POU5F2: variants seen among roughly 807,000 people sequenced by gnomAD.
POU5F2 encodes the protein POU domain, class 5, transcription factor 2.
For missense variants in POU5F2, 401 were observed against 426.6 expected, an observed-to-expected ratio of 0.94 and a Z score of 0.53; for synonymous variants, 191 against 178.7, an observed-to-expected ratio of 1.07 and a Z score of -0.55.
rs2149573941 is a variant in POU5F2 at position 93,734,289 on chromosome 5, C to T, written c.*6288G>A. 1 of 152,252 alleles carries T rather than the reference C, an allele frequency of 6.6e-6. No homozygotes were observed. The highest frequency in any genetic ancestry group is 2.4e-5 in the African/African-American group (1 of 41,554). 9.4% of individuals were successfully genotyped at this position (152,252 alleles called of 1,614,324 possible). ...AATGCAACTCAGGGCCTTCATATGA[C>T]ACTGAGCTGGTGATATCTAGAAAAT... is the stretch of plus-strand genomic sequence containing the variant. On this transcript the variant is annotated 3_prime_UTR_variant, in exon 1 of 1. Transcript: ENST00000606183.
Position 93,737,813 on chromosome 5 carries a change from T to C in POU5F2, c.*2764A>G, listed in dbSNP as rs1747529133. On this transcript the variant is annotated 3_prime_UTR_variant, in exon 1 of 1. Coordinates refer to ENST00000606183, the MANE Select transcript of POU5F2 (RefSeq NM_153216.2). ...AAAAGAATGAAGTTGGGCACTTACCTCATACCGTATACAAAAATTAACTTG... is the reference window on the plus strand; with the variant it reads ...AAAAGAATGAAGTTGGGCACTTACCCCATACCGTATACAAAAATTAACTTG... 1.0e-5 allele frequency: 4 copies of C among 397,126 alleles called. No individual in the cohort carries two copies. In the Admixed American group the frequency reaches 1.3e-4, roughly 13 times the overall value. The allele number at this position is 397,126 out of a possible 1,614,324, so 24.6% of individuals were successfully genotyped here. A position where few individuals can be genotyped will look rare whatever the true frequency, so the allele number is the denominator to read the frequency against.
Position 93,740,568 on chromosome 5 carries a change from C to T in POU5F2, c.*9G>A, listed in dbSNP as rs1161291170. 1 of 1,583,346 alleles carries T rather than the reference C, an allele frequency of 6.3e-7. No individual in the cohort carries two copies. The highest frequency in any genetic ancestry group is 1.1e-5 in the South Asian group (1 of 88,398). On this transcript the variant is annotated 3_prime_UTR_variant, in exon 1 of 1. Coordinates refer to ENST00000606183, the MANE Select transcript of POU5F2 (RefSeq NM_153216.2). ...TCCAACCGTGCCGTGAAGGGCAAGCCCCTCAGCCCTAAAATCTGAGGAGGC... is the reference window on the plus strand; with the variant it reads ...TCCAACCGTGCCGTGAAGGGCAAGCTCCTCAGCCCTAAAATCTGAGGAGGC...
chr5:93,735,422 C>G lies in POU5F2; in HGVS notation c.*5155G>C, dbSNP rs902995134. The G allele has an allele frequency of 3.9e-5, 6 of 152,252 alleles. No homozygotes were observed. The highest frequency in any genetic ancestry group is 1.2e-4 in the African/African-American group (5 of 41,462). 9.4% of individuals were successfully genotyped at this position (152,252 alleles called of 1,614,324 possible). A position where few individuals can be genotyped will look rare whatever the true frequency, so the allele number is the denominator to read the frequency against. On this transcript the variant is annotated 3_prime_UTR_variant, in exon 1 of 1. Transcript: ENST00000606183. ...CGGGGGCTGAGATGGACTCTAGGAGCTGTTCCCTGAGATTGAGAGCTCATC... is the reference window on the plus strand; with the variant it reads ...CGGGGGCTGAGATGGACTCTAGGAGGTGTTCCCTGAGATTGAGAGCTCATC...
rs1248462771 is a variant in POU5F2, at chr5:93,741,036, G to T, written c.528C>A (p.Asn176Lys). ...TCAGCAGTGGTCGCAGCTTCCACAT[G>T]TTGGCGACGCTTAGCTGCTGGGCCT... Reference protein sequence around the residue: ...RFEAQQLSVANMWKLRPLLKK... With the variant: ...RFEAQQLSVAKMWKLRPLLKK... The change falls in exon 1 of 1, where the codon AAC (asparagine) becomes AAA (lysine). Residue 176 changes from asparagine to lysine, a missense_variant. Physicochemically the swap from Asn to Lys is moderately conservative, Grantham distance 94 (BLOSUM62 0). Transcript: ENST00000606183. 1.2e-6 allele frequency: 2 copies of T among 1,613,714 alleles called. No individual in the cohort carries two copies. Among genetic ancestry groups the T allele is most frequent in the Non-Finnish European group, 1.7e-6 (2 of 1,179,928 alleles).
In POU5F2 at chr5:93,740,554, C is replaced by G. The variant is rs765323901; in HGVS notation, c.*23G>C. The stretch of plus-strand genomic sequence containing the variant: ...CTTCTTCTCCCCTCTCCAACCGTGC[C>G]GTGAAGGGCAAGCCCCTCAGCCCTA... On this transcript the variant is annotated 3_prime_UTR_variant, in exon 1 of 1. Transcript: ENST00000606183. 8.9e-6 allele frequency: 14 copies of G among 1,567,740 alleles called. 1 individual carries two copies. Among genetic ancestry groups the G allele is most frequent in the Middle Eastern group, 1.7e-4 (1 of 5,784 alleles).
Position 93,740,742 on chromosome 5 carries a change from T to A in POU5F2, c.822A>T (p.Pro274=). The change falls in exon 1 of 1, where the codon CCA becomes CCT. Residue 274 remains proline, a synonymous_variant. Coordinates refer to ENST00000606183, the MANE Select transcript of POU5F2 (RefSeq NM_153216.2). ...MGSRPTNDAS[P]REIVGTAGPP... ...GCCCGGCTGTCCCCACAATCTCCCG[T>A]GGGGAAGCATCATTGGTTGGTCGAC... 1 of 1,612,622 alleles carries A rather than the reference T, an allele frequency of 6.2e-7. No individual in the cohort carries two copies. The highest frequency in any genetic ancestry group is 8.5e-7 in the Non-Finnish European group (1 of 1,179,284).
rs1300316975 is a variant in POU5F2, at chr5:93,733,701, C to A, written c.*6876G>T. 6.6e-6 allele frequency: 1 copy of A among 152,150 alleles called. No homozygotes were observed. Among genetic ancestry groups the A allele is most frequent in the Non-Finnish European group, 1.5e-5 (1 of 68,034 alleles). The allele number at this position is 152,150 out of a possible 1,614,324, so 9.4% of individuals were successfully genotyped here. ...GTCACACTGTTAAATAATTGGCCACCTAAATCTTTACCTTCGAAATTTCCT... is the reference window on the plus strand; with the variant it reads ...GTCACACTGTTAAATAATTGGCCACATAAATCTTTACCTTCGAAATTTCCT... On this transcript the variant is annotated 3_prime_UTR_variant, in exon 1 of 1. Transcript: ENST00000606183.
Position 93,740,869 on chromosome 5 carries a change from C to T in POU5F2, c.695G>A (p.Cys232Tyr), listed in dbSNP as rs764675526. ...GNSLEKFFQR[C>Y]PKPTPQQISH... ...GATTTGCTGGGGTGTGGGCTTAGGG[C>T]ACCGCTGGAAGAATTTCTCCAGGCT... is the stretch of plus-strand genomic sequence containing the variant. Residue 232 changes from cysteine (C) to tyrosine (Y), a missense_variant, in exon 1 of 1, where the codon TGC becomes TAC. Transcript: ENST00000606183. 6.2e-7 allele frequency: 1 copy of T among 1,613,996 alleles called. No homozygotes were observed. The highest frequency in any genetic ancestry group is 1.1e-5 in the South Asian group (1 of 91,068).
chr5:93,737,906 A>G lies in POU5F2; in HGVS notation c.*2671T>C. 2 of 448,756 alleles carry G rather than the reference A, an allele frequency of 4.5e-6. No individual in the cohort carries two copies. Among genetic ancestry groups the G allele is most frequent in the South Asian group, 3.2e-5 (2 of 62,050 alleles). The allele number at this position is 448,756 out of a possible 1,614,324, so 27.8% of individuals were successfully genotyped here. The stretch of plus-strand genomic sequence containing the variant: ...TTCATAGAAGAAAACACAGGAGCAA[A>G]TCTTCATGACTTTGCATTTGGCAAC... On this transcript the variant is annotated 3_prime_UTR_variant, in exon 1 of 1. Transcript: ENST00000606183.
chr5:93,740,997 C>G lies in POU5F2; in HGVS notation c.567G>C (p.Lys189Asn). ...KLRPLLKKWL[K>N]EVEAENLLGL... is the part of the protein sequence containing the mutation. ...CCAGAAGGTTCTCTGCTTCCACTTC[C>G]TTCAGCCACTTTTTCAGCAGTGGTC... Residue 189 changes from lysine to asparagine, a missense_variant, in exon 1 of 1, where the codon AAG (lysine) becomes AAC (asparagine). Physicochemically the swap from Lys to Asn is moderately conservative, Grantham distance 94. Transcript: ENST00000606183. 6.2e-7 allele frequency: 1 copy of G among 1,613,858 alleles called. No homozygotes were observed. Among genetic ancestry groups the G allele is most frequent in the Non-Finnish European group, 8.5e-7 (1 of 1,179,886 alleles).
rs1160478009 is a variant in POU5F2 at position 93,741,245 on chromosome 5, G to C, written c.319C>G (p.Leu107Val). 1 of 1,613,924 alleles carries C rather than the reference G, an allele frequency of 6.2e-7. No individual in the cohort carries two copies. The highest frequency in any genetic ancestry group is 8.5e-7 in the Non-Finnish European group (1 of 1,179,888). Reference sequence around the variant, plus strand: ...GGCGGCAACTTCGGAATGCTCCGCAGGGCAATGTAGGGCCCCGGGAGGGCG... The same window carrying C: ...GGCGGCAACTTCGGAATGCTCCGCACGGCAATGTAGGGCCCCGGGAGGGCG... ...EGALPGPYIA[L>V]RSIPKLPPPE... is the part of the protein sequence containing the mutation. Residue 107 changes from leucine to valine, a missense_variant, in exon 1 of 1, where the codon CTG becomes GTG. Physicochemically the swap from Leu to Val is conservative, Grantham distance 32. Coordinates refer to ENST00000606183, the MANE Select transcript of POU5F2 (RefSeq NM_153216.2).
In POU5F2 at chr5:93,739,631, T is replaced by C. The variant is rs1268559011; in HGVS notation, c.*946A>G. 1.3e-5 allele frequency: 2 copies of C among 152,004 alleles called. No homozygotes were observed. Among genetic ancestry groups the C allele is most frequent in the Non-Finnish European group, 2.9e-5 (2 of 68,000 alleles). 9.4% of individuals were successfully genotyped at this position (152,004 alleles called of 1,614,324 possible). On this transcript the variant is annotated 3_prime_UTR_variant, in exon 1 of 1. Coordinates refer to ENST00000606183, the MANE Select transcript of POU5F2 (RefSeq NM_153216.2). ...ATATGGTGACCAAAATTGACCAAAG[T>C]AGAAGTGGAAAACTGAAAAGACCAA... is the stretch of plus-strand genomic sequence containing the variant.
rs1328029276 is a variant in POU5F2 at position 93,734,722 on chromosome 5, C to T, written c.*5855G>A. ...AAGACTTTGGAGTGTTTGACATCTG[C>T]CTTTACTAATTATGCCACTGAAATT... is the stretch of plus-strand genomic sequence containing the variant. On this transcript the variant is annotated 3_prime_UTR_variant, in exon 1 of 1. Coordinates refer to ENST00000606183, the MANE Select transcript of POU5F2 (RefSeq NM_153216.2). The T allele has an allele frequency of 1.3e-5, 2 of 152,082 alleles. No homozygotes were observed. Among genetic ancestry groups the T allele is most frequent in the African/African-American group, 4.8e-5 (2 of 41,412 alleles). 9.4% of individuals were successfully genotyped at this position (152,082 alleles called of 1,614,324 possible).
Position 93,737,734 on chromosome 5 carries a change from C to T in POU5F2, c.*2843G>A. 1 of 312,888 alleles carries T rather than the reference C, an allele frequency of 3.2e-6. No individual in the cohort carries two copies. The highest frequency in any genetic ancestry group is 6.2e-6 in the Non-Finnish European group (1 of 161,260). 19.4% of individuals were successfully genotyped at this position (312,888 alleles called of 1,614,324 possible). The stretch of plus-strand genomic sequence containing the variant: ...ACAAGGGTGCTAAGATCATTCAATG[C>T]AGAAAGAACATCTCCTCAACAAATG... On this transcript the variant is annotated 3_prime_UTR_variant, in exon 1 of 1. Coordinates refer to ENST00000606183, the MANE Select transcript of POU5F2 (RefSeq NM_153216.2).
Position 93,740,752 on chromosome 5 carries a change from T to A in POU5F2, c.812A>T (p.Asp271Val), listed in dbSNP as rs746944296. ...CCCCACAATCTCCCGTGGGGAAGCATCATTGGTTGGTCGACTGCCCATCTT... is the reference window on the plus strand; with the variant it reads ...CCCCACAATCTCCCGTGGGGAAGCAACATTGGTTGGTCGACTGCCCATCTT... ...RSKMGSRPTN[D>V]ASPREIVGTA... is the part of the protein sequence containing the mutation. Residue 271 changes from aspartate to valine, a missense_variant, in exon 1 of 1, where the codon GAT becomes GTT. Transcript: ENST00000606183. The A allele has an allele frequency of 2.7e-5, 44 of 1,612,520 alleles. No individual in the cohort carries two copies. Among genetic ancestry groups the A allele is most frequent in the Non-Finnish European group, 3.7e-5 (44 of 1,179,194 alleles).
Position 93,737,952 on chromosome 5 carries a change from A to T in POU5F2, c.*2625T>A. ...GCAACATGAAAAGCCTAAGCAACAAAAGAAAAAATGGATAAGCTGGACTTA... is the reference window on the plus strand; with the variant it reads ...GCAACATGAAAAGCCTAAGCAACAATAGAAAAAATGGATAAGCTGGACTTA... On this transcript the variant is annotated 3_prime_UTR_variant, in exon 1 of 1. Coordinates refer to ENST00000606183, the MANE Select transcript of POU5F2 (RefSeq NM_153216.2). 2.2e-6 allele frequency: 1 copy of T among 446,876 alleles called. No homozygotes were observed. The highest frequency in any genetic ancestry group is 4.5e-6 in the Non-Finnish European group (1 of 224,428). The allele number at this position is 446,876 out of a possible 1,614,324, so 27.7% of individuals were successfully genotyped here. A position where few individuals can be genotyped will look rare whatever the true frequency, so the allele number is the denominator to read the frequency against.
In POU5F2 at chr5:93,736,820, C is replaced by T. The variant is rs576188929; in HGVS notation, c.*3757G>A. ...AGGAACTTCCTCAACATGTAGAGTA[C>T]GTATGAAAAAGCCAGAGCTAATGTC... On this transcript the variant is annotated 3_prime_UTR_variant, in exon 1 of 1. Transcript: ENST00000606183. 13 of 152,156 alleles carry T rather than the reference C, an allele frequency of 8.5e-5. No individual in the cohort carries two copies. The East Asian group carries it at 1.5e-3, about 18-fold the overall frequency. The allele number at this position is 152,156 out of a possible 1,614,324, so 9.4% of individuals were successfully genotyped here. A position where few individuals can be genotyped will look rare whatever the true frequency, so the allele number is the denominator to read the frequency against.
chr5:93,738,432 A>G lies in POU5F2; in HGVS notation c.*2145T>C, dbSNP rs908926953. The G allele has an allele frequency of 1.3e-5, 2 of 152,458 alleles. No individual in the cohort carries two copies. The highest frequency in any genetic ancestry group is 4.8e-5 in the African/African-American group (2 of 41,472). The allele number at this position is 152,458 out of a possible 1,614,324, so 9.4% of individuals were successfully genotyped here. Reference sequence around the variant, plus strand: ...CATAGAATTACTGTATGACTCAGAAATTCCACTCCTATGTATACATCCAAG... The same window carrying G: ...CATAGAATTACTGTATGACTCAGAAGTTCCACTCCTATGTATACATCCAAG... On this transcript the variant is annotated 3_prime_UTR_variant, in exon 1 of 1. Transcript: ENST00000606183.
chr5:93,739,672 T>G lies in POU5F2; in HGVS notation c.*905A>C, dbSNP rs189502917. On this transcript the variant is annotated 3_prime_UTR_variant, in exon 1 of 1. Transcript: ENST00000606183. The stretch of plus-strand genomic sequence containing the variant: ...AAAAGACCAATTTCAGAGATGAAAT[T>G]AGAAGAGTTATTTGACGTTTAATGG... 180 of 152,214 alleles carry G rather than the reference T, an allele frequency of 1.2e-3. No individual in the cohort carries two copies. The highest frequency in any genetic ancestry group is 4.1e-3 in the African/African-American group (170 of 41,538). The allele number at this position is 152,214 out of a possible 1,614,324, so 9.4% of individuals were successfully genotyped here.
Sources: allele counts gnomAD v4.1 joint callset, GRCh38; gene constraint gnomAD v4.1.1; transcripts MANE v1.5; gene names NCBI Gene and HGNC (gene_info 2026-07-23, HGNC 2026-07-21).